The following DMTF1 variants were observed in gnomAD, a reference collection of about 807,000 sequenced individuals.
DMTF1 encodes cyclin-D-binding Myb-like transcription factor 1.
In DMTF1, 39 loss-of-function variants were observed where a neutral mutation model predicts 91.1. The ratio of observed to expected loss-of-function variants is 0.43; its 90% confidence interval spans 0.33 to 0.56. The LOEUF (loss-of-function observed/expected upper bound fraction) is 0.56, where lower values mean the gene tolerates loss of function less well. Among genes scored for constraint, DMTF1 ranks in the 20% least tolerant of loss-of-function variants. DMTF1 has a pLI of 0.05. For missense variants in DMTF1, 750 were observed against 914.5 expected (o/e 0.82, Z 2.32); for synonymous variants, 338 against 309.5 (o/e 1.09, Z -0.97).
intron 14 of DMTF1, 36 bp downstream of exon 14, chr7:87,191,063 G>A: frequency 7.5e-7 from 1 of 1,337,352 alleles, no homozygotes; most frequent in Non-Finnish European, 1.1e-6. Context: ...CCATTTTTAT[G>A]CATGAGAAAG....
At chr7:87,179,421 A>T in intron 7 of DMTF1, 124 bp from the exon 8 acceptor site, 1 of 647,858 alleles carries the variant, frequency 1.5e-6, no homozygotes, top group Non-Finnish European at 2.3e-6. Flanking sequence ...TTAATGAATT[A>T]GTGATATATT....
rs780143530 is a variant in DMTF1, at chr7:87,186,032, TC to T, written c.1201+54del. ...CCTCCCCTTTTCTTACCATATTTAC[TC>T]CTTAGGAGTGAGAGGTTAGAAGTTC... is the stretch of plus-strand genomic sequence containing the variant. On this transcript the variant is annotated intron_variant, in intron 12 of 17. Transcript: ENST00000331242. 2.4e-5 allele frequency: 39 copies of T among 1,593,686 alleles called. No homozygotes were observed. The Middle Eastern group carries it at 8.3e-4, about 34-fold the overall frequency.
chr7:87,154,758 T>C (rs1790236147), intron 1 of DMTF1, among the ~76,000 whole-genome samples: 1 of 152,168 alleles, frequency 6.6e-6, no homozygotes, highest in African/African-American at 2.4e-5. Flanking sequence ...TCTAGTCCTT[T>C]TTTTAGAGAT....
At chr7:87,176,876 A>G (rs1288297353) in intron 7 of DMTF1, among the ~76,000 whole-genome samples, 3 of 152,166 alleles carry the variant, frequency 2.0e-5, no homozygotes, top group Non-Finnish European at 4.4e-5. Flanking sequence ...CATATGTTTC[A>G]TATTTGGGTT....
At chr7:87,188,611 TA>T (rs1170586588) in intron 13 of DMTF1, among the ~76,000 whole-genome samples, 1 of 152,130 alleles carries the variant, frequency 6.6e-6, no homozygotes, top group Non-Finnish European at 1.5e-5. Context: ...GAAAACTACC[TA>T]AAAAGCAGTC....
At chr7:87,154,147 G>A (rs1237310179) in intron 1 of DMTF1, 1 of 152,176 alleles carries the variant, frequency 6.6e-6, no homozygotes, top group Non-Finnish European at 1.5e-5. Flanking sequence ...AAAGGTTAAA[G>A]CTACATTCCT....
chr7:87,153,790 G>T (rs1028529073), intron 1 of DMTF1, among the ~76,000 whole-genome samples: 1 of 152,126 alleles, frequency 6.6e-6, no homozygotes, highest in Non-Finnish European at 1.5e-5. Flanking sequence ...AATTATACCT[G>T]TATTTTTAAT....
chr7:87,193,906 C>T lies in DMTF1; in HGVS notation c.1832C>T (p.Thr611Ile), dbSNP rs1434566071. The T allele has an allele frequency of 6.2e-7, 1 of 1,613,244 alleles. No homozygotes were observed. Among genetic ancestry groups the T allele is most frequent in the Non-Finnish European group, 8.5e-7 (1 of 1,179,580 alleles). ...PEPPDALEADTFPDEIHHPKM... is the reference protein window; with the variant it reads ...PEPPDALEADIFPDEIHHPKM... ...CCTCCAGACGCCCTAGAAGCAGACA[C>T]TTTCCCAGATGAAATTCATCACCCT... The change falls in exon 16 of 18, where the codon ACT becomes ATT. Residue 611 changes from threonine (T) to isoleucine (I), a missense_variant. By Grantham distance (89) the Thr-to-Ile change is moderately conservative. Transcript: ENST00000331242.
intron 13 of DMTF1, 25 bp from the exon 14 acceptor site, chr7:87,190,920 A>T (rs975352028): frequency 6.3e-7 from 1 of 1,581,954 alleles, no homozygotes; most frequent in Non-Finnish European, 8.6e-7. Context: ...TATTCTTACC[A>T]CAGCTTACCT....
chr7:87,173,588 T>A lies in DMTF1; in HGVS notation c.381T>A (p.Val127=), dbSNP rs762668796. ...DEISPLGNEE[V]SAVSQAWFTT... ...TATCTCCCTTGGGTAACGAGGAAGT[T>A]TCAGCAGTTAGCCAAGCATGGTTTA... The change falls in exon 6 of 18, where the codon GTT becomes GTA. Residue 127 remains valine, a synonymous_variant. Transcript: ENST00000331242. The A allele has an allele frequency of 6.3e-5, 101 of 1,611,478 alleles. No individual in the cohort carries two copies. Among genetic ancestry groups the A allele is most frequent in the Non-Finnish European group, 8.1e-5 (95 of 1,178,828 alleles).
intron 1 of DMTF1, among the ~76,000 whole-genome samples, chr7:87,161,372 C>T (rs1442069088): frequency 1.3e-5 from 2 of 152,118 alleles, no homozygotes; most frequent in African/African-American, 4.8e-5. Flanking sequence ...CATGGTGGCA[C>T]ACGCCTGTAG....
chr7:87,193,671 C>T, intron 15 of DMTF1, 54 bp from the exon 16 acceptor site: 1 of 1,466,548 alleles, frequency 6.8e-7, no homozygotes, highest in Non-Finnish European at 9.2e-7. Flanking sequence ...AGTGAGGTAC[C>T]CCCATAAATG....
chr7:87,183,785 A>G (rs1797860474), intron 10 of DMTF1, among the ~76,000 whole-genome samples: 1 of 152,310 alleles, frequency 6.6e-6, no homozygotes, highest in African/African-American at 2.4e-5. Context: ...GGGGTTATCT[A>G]TTAGTGGGTT....
chr7:87,153,665 C>G (rs1789934396), intron 1 of DMTF1, among the ~76,000 whole-genome samples: 1 of 152,200 alleles, frequency 6.6e-6, no homozygotes. Context: ...ATGTGTGCCT[C>G]CTTTCTGACA....
intron 1 of DMTF1, among the ~76,000 whole-genome samples, chr7:87,157,908 C>T (rs1308858840): frequency 6.6e-6 from 1 of 151,722 alleles, no homozygotes; most frequent in Non-Finnish European, 1.5e-5. Flanking sequence ...TACAAACCTG[C>T]AATTGTATAA....
intron 1 of DMTF1, among the ~76,000 whole-genome samples, chr7:87,158,574 A>T (rs1437683640): frequency 1.3e-5 from 2 of 152,060 alleles, no homozygotes; most frequent in Non-Finnish European, 2.9e-5. Flanking sequence ...ATAATTCTTG[A>T]TGCAGAACAT....
chr7:87,170,040 TC>T (rs1794719535), intron 4 of DMTF1, among the ~76,000 whole-genome samples: 1 of 152,244 alleles, frequency 6.6e-6, no homozygotes, highest in African/African-American at 2.4e-5. Flanking sequence ...TTCTGTAACT[TC>T]CTGAATCCTT....
At chr7:87,166,059 A>G (rs1442328876) in intron 3 of DMTF1, among the ~76,000 whole-genome samples, 1 of 152,126 alleles carries the variant, frequency 6.6e-6, no homozygotes, top group Non-Finnish European at 1.5e-5. Flanking sequence ...CAGGTTCTTT[A>G]ATTTGGCCCA....
At chr7:87,153,752 T>C (rs1282017739) in intron 1 of DMTF1, among the ~76,000 whole-genome samples, 1 of 152,238 alleles carries the variant, frequency 6.6e-6, no homozygotes, top group African/African-American at 2.4e-5. Flanking sequence ...TGTCTTAAGC[T>C]TAAAGTGACG....
Sources: gnomAD v4.1 joint callset for allele counts (sites outside exome capture counted in the v4.1 genomes callset) on GRCh38, gnomAD v4.1.1 for gene constraint, MANE v1.5 for transcripts, NCBI Gene and HGNC (gene_info 2026-07-23, HGNC 2026-07-21) for gene names.